The following MGAT5 variants were observed in gnomAD, a reference collection of about 807,000 sequenced individuals.
MGAT5 encodes the protein alpha-1,6-mannosylglycoprotein 6-beta-N-acetylglucosaminyltransferase A.
Under a neutral mutation model 94.3 loss-of-function variants are expected in MGAT5, and 30 were observed. That is an observed-to-expected ratio of 0.32 (90% confidence interval 0.24 to 0.43). The LOEUF is 0.43. Ranked by LOEUF, MGAT5 falls within the 20% of genes least tolerant of loss-of-function variation. The pLI, the probability that MGAT5 is intolerant of heterozygous loss-of-function variation, is 1.00. For missense variants in MGAT5, 691 were observed against 905.5 expected (o/e 0.76, Z 3.04); for synonymous variants, 310 against 322.9 (o/e 0.96, Z 0.43).
intron 1 of MGAT5, among the ~76,000 whole-genome samples, chr2:134,174,077 T>TAG: frequency 6.6e-6 from 1 of 152,376 alleles, no homozygotes. Context: ...CATTAGCTTC[T>TAG]AAGCCCAAAT....
Position 134,450,823 on chromosome 2 carries a change from T to TGTGTGTATGA in MGAT5, c.*1982_*1983insATGAGTGTGT, listed in dbSNP as rs1480553826. 7.0e-6 allele frequency: 1 copy of TGTGTGTATGA among 142,270 alleles called. No homozygotes were observed. The highest frequency in any genetic ancestry group is 1.5e-5 in the Non-Finnish European group (1 of 67,230). 8.8% of individuals were successfully genotyped at this position (142,270 alleles called of 1,614,324 possible). On this transcript the variant is annotated 3_prime_UTR_variant, in exon 16 of 16. Coordinates refer to ENST00000281923, the MANE Select transcript of MGAT5 (RefSeq NM_002410.5). ...GTGTGTGTGTGTGTGTGTGTGTGTG[T>TGTGTGTATGA]GTGTGTGTATGAGCCTGTGCATTTC...
At chr2:134,382,844 A>C (rs145203526) in intron 10 of MGAT5, among the ~76,000 whole-genome samples, 2 of 152,370 alleles carry the variant, frequency 1.3e-5, no homozygotes, top group East Asian at 1.9e-4. Context: ...AGCTGTGTGC[A>C]CATCAAATGT....
In MGAT5 at chr2:134,453,655, C is replaced by T. The variant is rs1345823287; in HGVS notation, c.*4808C>T. On this transcript the variant is annotated 3_prime_UTR_variant, in exon 16 of 16. Transcript: ENST00000281923. ...CCTCCTGTCCTCAGGGATCAGACTC[C>T]CAGACTGGTTAGTTCTGCATGTTTC... 6.6e-6 allele frequency: 1 copy of T among 152,142 alleles called. No individual in the cohort carries two copies. Among genetic ancestry groups the T allele is most frequent in the Non-Finnish European group, 1.5e-5 (1 of 68,018 alleles). The allele number at this position is 152,142 out of a possible 1,614,324, so 9.4% of individuals were successfully genotyped here.
At chr2:134,356,073 T>C (rs1331147370) in intron 9 of MGAT5, among the ~76,000 whole-genome samples, 2 of 152,196 alleles carry the variant, frequency 1.3e-5, no homozygotes, top group Non-Finnish European at 2.9e-5. Context: ...TATGCGTGTA[T>C]GTGTTAAGTA....
At chr2:134,174,184 T>G (rs543272097) in intron 1 of MGAT5, among the ~76,000 whole-genome samples, 32 of 152,376 alleles carry the variant, frequency 2.1e-4, no homozygotes, top group Non-Finnish European at 3.8e-4. Flanking sequence ...GTGGATCTTG[T>G]GTCTGGTCAT....
At chr2:134,350,522 A>T (rs1454057697) in intron 9 of MGAT5, among the ~76,000 whole-genome samples, 1 of 152,184 alleles carries the variant, frequency 6.6e-6, no homozygotes, top group Non-Finnish European at 1.5e-5. Flanking sequence ...TCATGAGCCG[A>T]TATAGTAAGA....
chr2:134,200,506 C>T (rs1420872909), intron 1 of MGAT5, among the ~76,000 whole-genome samples: 1 of 152,198 alleles, frequency 6.6e-6, no homozygotes, highest in Non-Finnish European at 1.5e-5. Flanking sequence ...GCCTCTTTGT[C>T]CTTCACTCCC....
intron 4 of MGAT5, among the ~76,000 whole-genome samples, chr2:134,326,218 TCCCA>T (rs1263022116): frequency 1.3e-5 from 2 of 152,106 alleles, no homozygotes; most frequent in African/African-American, 4.8e-5. Flanking sequence ...ACCATTTATT[TCCCA>T]GTTCATTTCC....
chr2:134,163,876 A>G (rs1163866933), intron 1 of MGAT5, among the ~76,000 whole-genome samples: 4 of 152,144 alleles, frequency 2.6e-5, no homozygotes, highest in Non-Finnish European at 4.4e-5. Context: ...ACTTGGATCC[A>G]CTTCTTTATA....
chr2:134,225,077 C>CAAAAAAA (rs1167660901), intron 1 of MGAT5, among the ~76,000 whole-genome samples: 1 of 68,240 alleles, frequency 1.5e-5, no homozygotes, highest in African/African-American at 5.8e-5. Context: ...CCCTGTCTCA[C>CAAAAAAA]AAAAAAAAAA....
intron 2 of MGAT5, among the ~76,000 whole-genome samples, chr2:134,281,324 C>T (rs1280248577): frequency 2.0e-5 from 3 of 152,146 alleles, no homozygotes; most frequent in Non-Finnish European, 1.5e-5. Flanking sequence ...CCAACCTATG[C>T]GGACAGCATG....
chr2:134,280,508 T>G (rs533147518), intron 2 of MGAT5, among the ~76,000 whole-genome samples: 9 of 152,334 alleles, frequency 5.9e-5, no homozygotes, highest in South Asian at 2.1e-4. Flanking sequence ...TCTTAGCTGG[T>G]TTTAAGCTGT....
intron 4 of MGAT5, among the ~76,000 whole-genome samples, chr2:134,332,077 G>GA (rs1318143078): frequency 6.6e-6 from 1 of 151,948 alleles, no homozygotes; most frequent in Non-Finnish European, 1.5e-5. Context: ...CACAGAATTG[G>GA]AAAAAATTAC....
Position 134,178,880 on chromosome 2 carries a change from A to G in MGAT5, c.-143+58589A>G, listed in dbSNP as rs559224985. 4.6e-5 allele frequency among the ~76,000 whole-genome samples: 7 copies of G among 152,270 alleles called. No individual in the cohort carries two copies. The East Asian group carries it at 1.2e-3, about 25-fold the overall frequency. On this transcript the variant is annotated intron_variant, in intron 1 of 16. Transcript: ENST00000409645. Reference sequence around the variant, plus strand: ...TTACTGAATGTTTCCTGTGTGCTTTATCTGCATTAATTCATTGACTCATCA... The same window carrying G: ...TTACTGAATGTTTCCTGTGTGCTTTGTCTGCATTAATTCATTGACTCATCA...
At chr2:134,134,131 T>G (rs1022077272) in intron 1 of MGAT5, among the ~76,000 whole-genome samples, 1 of 152,178 alleles carries the variant, frequency 6.6e-6, no homozygotes, top group Non-Finnish European at 1.5e-5. Flanking sequence ...AGTGCTTCAT[T>G]GTAACCATAT....
chr2:134,340,919 G>A (rs1369392081), intron 6 of MGAT5, among the ~76,000 whole-genome samples: 3 of 152,102 alleles, frequency 2.0e-5, no homozygotes, highest in South Asian at 2.1e-4. Context: ...AAAAATAAAG[G>A]GCAGTTGAAG....
chr2:134,446,346 C>CTT (rs1215167166), intron 15 of MGAT5, among the ~76,000 whole-genome samples: 1 of 151,898 alleles, frequency 6.6e-6, no homozygotes, highest in Non-Finnish European at 1.5e-5. Context: ...GCCATGGGGT[C>CTT]TGAGAGTCGC....
intron 1 of MGAT5, among the ~76,000 whole-genome samples, chr2:134,222,124 G>T (rs1203693925): frequency 6.8e-6 from 1 of 147,604 alleles, no homozygotes; most frequent in African/African-American, 2.5e-5. Context: ...GTGAGATGGA[G>T]TCAGGCCTAG....
chr2:134,160,012 T>C (rs912502920), intron 1 of MGAT5, among the ~76,000 whole-genome samples: 4 of 151,942 alleles, frequency 2.6e-5, no homozygotes, highest in African/African-American at 9.7e-5. Context: ...TGCATCAGAG[T>C]CCTTTGGGGA....
Sources: allele counts gnomAD v4.1 joint callset (sites outside exome capture counted in the v4.1 genomes callset), GRCh38; gene constraint gnomAD v4.1.1; transcripts MANE v1.5; gene names NCBI Gene and HGNC (gene_info 2026-07-23, HGNC 2026-07-21).